KIF16B: variants seen among roughly 807,000 people sequenced by gnomAD.
KIF16B encodes the protein kinesin family member 16B, also known as kinesin-like protein KIF16B.
Under a neutral mutation model 156.3 loss-of-function variants are expected in KIF16B, and 98 were observed. The ratio of observed to expected loss-of-function variants is 0.63; its 90% CI spans 0.53 to 0.74. KIF16B has a LOEUF of 0.74. Among genes scored for constraint, KIF16B ranks in the 30% least tolerant of loss-of-function variants. The pLI, the probability that KIF16B is intolerant of heterozygous loss-of-function variation, is 0.00. For missense variants in KIF16B, 1,421 were observed against 1,606.5 expected, an observed-to-expected ratio of 0.88 and a Z score of 1.97; for synonymous variants, 564 against 583.7, an observed-to-expected ratio of 0.97 and a Z score of 0.49.
chr20:16,530,703 T>C (rs1287299771), intron 1 of KIF16B, among the ~76,000 whole-genome samples: 1 of 151,954 alleles, frequency 6.6e-6, no homozygotes, highest in Non-Finnish European at 1.5e-5. Context: ...TTTGTTGTTG[T>C]TGTTTGGTTT....
rs1484003898 is a variant in KIF16B, at chr20:16,379,209, A to G, written c.2793T>C (p.Leu931=). The G allele has an allele frequency of 3.7e-6, 6 of 1,614,132 alleles. No homozygotes were observed. The highest frequency in any genetic ancestry group is 2.5e-6 in the Non-Finnish European group (3 of 1,180,034). The change falls in exon 19 of 26, where the codon CTT becomes CTC. Residue 931 remains leucine, a synonymous_variant. Transcript: ENST00000354981. ...LEEKQRAFEI[L]DRGPLSLDNT... ...TGTCTAAGCTGAGAGGGCCTCTGTCAAGAATTTCAAATGCTCTCTGCTTTT... is the reference window on the plus strand; with the variant it reads ...TGTCTAAGCTGAGAGGGCCTCTGTCGAGAATTTCAAATGCTCTCTGCTTTT...
chr20:16,491,778 A>G (rs1397428190), intron 12 of KIF16B, among the ~76,000 whole-genome samples: 1 of 152,160 alleles, frequency 6.6e-6, no homozygotes, highest in Non-Finnish European at 1.5e-5. Context: ...GTCAGAGCTC[A>G]CACCCACCCC....
chr20:16,343,525 A>G (rs150633924), intron 23 of KIF16B, among the ~76,000 whole-genome samples: 66 of 152,366 alleles, frequency 4.3e-4, no homozygotes, highest in African/African-American at 1.5e-3. Flanking sequence ...TTTTAAAAAA[A>G]TCTTTGTAAT....
chr20:16,430,072 T>C (rs2066459021), intron 12 of KIF16B, 90 bp from the exon 13 acceptor site: 1 of 1,324,734 alleles, frequency 7.5e-7, no homozygotes, highest in Non-Finnish European at 1.0e-6. Context: ...GAATGGGCAA[T>C]ATTTTATTTC....
chr20:16,559,097 C>A (rs1157240109), intron 1 of KIF16B, among the ~76,000 whole-genome samples: 2 of 151,926 alleles, frequency 1.3e-5, no homozygotes, highest in Admixed American at 6.6e-5. Context: ...GAGTTTGCAA[C>A]CCTTGTACTA....
chr20:16,432,289 A>G lies in KIF16B; in HGVS notation c.1303-2307T>C, dbSNP rs370386631. Reference sequence around the variant, plus strand: ...GTACAAGAGCATGACATTGTGCTCCATGACTGTACGAGCAACAGAAAACCC... The same window carrying G: ...GTACAAGAGCATGACATTGTGCTCCGTGACTGTACGAGCAACAGAAAACCC... On this transcript the variant is annotated intron_variant, in intron 12 of 25. Coordinates refer to ENST00000354981, the MANE Select transcript of KIF16B (RefSeq NM_024704.5). 4.6e-5 allele frequency among the ~76,000 whole-genome samples: 7 copies of G among 152,246 alleles called. No individual in the cohort carries two copies. In the East Asian group the frequency reaches 1.4e-3, roughly 29 times the overall value.
At position 16,573,307 on chromosome 20, in the gene KIF16B, C is replaced by T. The variant is rs767198699; in HGVS notation, c.-32G>A. 3.1e-6 allele frequency: 5 copies of T among 1,608,710 alleles called. No individual in the cohort carries two copies. Among genetic ancestry groups the T allele is most frequent in the Middle Eastern group, 1.7e-4 (1 of 6,000 alleles). On this transcript the variant is annotated 5_prime_UTR_variant, in exon 1 of 26. Coordinates refer to ENST00000354981, the MANE Select transcript of KIF16B (RefSeq NM_024704.5). ...TCCCGAACCAGCCCGCGCGGGGTCC[C>T]ACTAGCCCAGAACTCCGCGGTCGCC...
chr20:16,524,900 A>G (rs1372048916), intron 3 of KIF16B, among the ~76,000 whole-genome samples: 1 of 152,230 alleles, frequency 6.6e-6, no homozygotes. Context: ...GCTGGAAACC[A>G]TCATTCTCAG....
chr20:16,540,213 A>G (rs909976236), intron 1 of KIF16B, among the ~76,000 whole-genome samples: 1 of 152,200 alleles, frequency 6.6e-6, no homozygotes, highest in Non-Finnish European at 1.5e-5. Flanking sequence ...CCAAAATAAT[A>G]TGCGCGTCTA....
intron 25 of KIF16B, among the ~76,000 whole-genome samples, chr20:16,283,543 C>A (rs954406275): frequency 1.3e-5 from 2 of 152,138 alleles, no homozygotes; most frequent in Non-Finnish European, 2.9e-5. Flanking sequence ...GCAGTGAGCC[C>A]GCCAGGTCTC....
chr20:16,563,896 T>C (rs1468254413), intron 1 of KIF16B, among the ~76,000 whole-genome samples: 3 of 152,162 alleles, frequency 2.0e-5, no homozygotes, highest in Non-Finnish European at 4.4e-5. Context: ...AAAGTTCACC[T>C]AAAAGAAAGA....
intron 12 of KIF16B, among the ~76,000 whole-genome samples, chr20:16,468,069 A>G (rs2067545898): frequency 6.6e-6 from 1 of 152,226 alleles, no homozygotes; most frequent in African/African-American, 2.4e-5. Context: ...AAACCAATGA[A>G]AAGACATACA....
intron 13 of KIF16B, 68 bp from the exon 14 acceptor site, chr20:16,429,072 A>T: frequency 1.5e-6 from 2 of 1,347,806 alleles, no homozygotes; most frequent in African/African-American, 1.4e-5. Flanking sequence ...TTCATTTTTC[A>T]TTGAAGCCCA....
intron 3 of KIF16B, among the ~76,000 whole-genome samples, chr20:16,523,535 G>A (rs1325071501): frequency 1.3e-5 from 2 of 152,072 alleles, no homozygotes; most frequent in Non-Finnish European, 2.9e-5. Flanking sequence ...AAATAAGAGA[G>A]GACACAAACA....
At chr20:16,309,291 T>G (rs1216161961) in intron 25 of KIF16B, among the ~76,000 whole-genome samples, 3 of 152,180 alleles carry the variant, frequency 2.0e-5, no homozygotes, top group Non-Finnish European at 2.9e-5. Context: ...TGACCCAATT[T>G]ATACTCCTCT....
At chr20:16,385,444 A>G (rs1393840620) in intron 17 of KIF16B, among the ~76,000 whole-genome samples, 1 of 152,196 alleles carries the variant, frequency 6.6e-6, no homozygotes, top group African/African-American at 2.4e-5. Flanking sequence ...ATAACTACAA[A>G]GAGACTGAGC....
At chr20:16,478,465 C>A (rs6043999) in intron 12 of KIF16B, among the ~76,000 whole-genome samples, 2,928 of 152,184 alleles carry the variant, frequency 0.019, 70 homozygotes, top group South Asian at 0.079. Context: ...TTTCAGTTAC[C>A]CACCATTAAC....
chr20:16,450,579 C>T (rs936044640), intron 12 of KIF16B, among the ~76,000 whole-genome samples: 3 of 152,182 alleles, frequency 2.0e-5, no homozygotes, highest in Admixed American at 6.5e-5. Flanking sequence ...CCTCCACGTC[C>T]CACGTGCCTT....
chr20:16,331,954 CTA>C lies in KIF16B; in HGVS notation c.3711+3970_3711+3971del, dbSNP rs368612415. ...TCAACAAATACTTAGCAAGTATTGA[CTA>C]TGTGAAGCTGAGCTGCATAAGAGTA... On this transcript the variant is annotated intron_variant, in intron 24 of 25. Coordinates refer to ENST00000354981, the MANE Select transcript of KIF16B (RefSeq NM_024704.5). Among the ~76,000 whole-genome samples the C allele has an allele frequency of 1.6e-3, 243 of 152,206 alleles. 1 individual carries two copies. The highest frequency in any genetic ancestry group is 5.6e-3 in the African/African-American group (233 of 41,534).
Sources: gnomAD v4.1 joint callset for allele counts (sites outside exome capture counted in the v4.1 genomes callset) on GRCh38, gnomAD v4.1.1 for gene constraint, MANE v1.5 for transcripts, NCBI Gene and HGNC (gene_info 2026-07-23, HGNC 2026-07-21) for gene names.